Variants in GOLGA1 observed in about 807,000 individuals in gnomAD.
The protein encoded by GOLGA1 is golgin subfamily A member 1.
In GOLGA1, 63 loss-of-function variants were observed where a neutral mutation model predicts 119.7. The observed-to-expected ratio is 0.53, with a 90% confidence interval of 0.43 to 0.65. GOLGA1 has a LOEUF of 0.65. Among genes scored for constraint, GOLGA1 ranks in the 30% least tolerant of loss-of-function variants. The pLI, the probability that GOLGA1 is intolerant of heterozygous loss-of-function variation, is 0.00. For synonymous variants in GOLGA1, 318 were observed against 333.4 expected (o/e 0.95, Z 0.50); for missense variants, 798 against 912.8 (o/e 0.87, Z 1.62).
intron 7 of GOLGA1, among the ~76,000 whole-genome samples, chr9:124,924,645 AAAAAAAG>A (rs1191656885): frequency 6.6e-6 from 1 of 151,192 alleles, no homozygotes; most frequent in East Asian, 1.9e-4. Context: ...TCAAAAAAAA[AAAAAAAG>A]AAAAAAAGAA....
chr9:124,929,011 A>G (rs149491086), intron 5 of GOLGA1, among the ~76,000 whole-genome samples: 232 of 152,318 alleles, frequency 1.5e-3, no homozygotes, highest in African/African-American at 5.2e-3. Context: ...ACCTACTCCT[A>G]AGAGTCATGC....
chr9:124,927,398 G>A (rs1364701069), intron 6 of GOLGA1, among the ~76,000 whole-genome samples: 1 of 152,076 alleles, frequency 6.6e-6, no homozygotes, highest in Admixed American at 6.5e-5. Context: ...TCATACCACA[G>A]TTATCCACTA....
chr9:124,921,497 G>C (rs559061734), intron 9 of GOLGA1, among the ~76,000 whole-genome samples: 3 of 152,268 alleles, frequency 2.0e-5, no homozygotes, highest in East Asian at 3.9e-4. Context: ...AAACCACACT[G>C]AATTGTTCAG....
intron 19 of GOLGA1, among the ~76,000 whole-genome samples, chr9:124,887,252 G>A (rs934309341): frequency 6.6e-6 from 1 of 152,010 alleles, no homozygotes; most frequent in African/African-American, 2.4e-5. Flanking sequence ...AAACGAAACT[G>A]TGGGGTTGAG....
chr9:124,940,886 C>A (rs1588104179), intron 1 of GOLGA1, 85 bp downstream of exon 1: 1 of 152,410 alleles, frequency 6.6e-6, no homozygotes, highest in South Asian at 2.1e-4. Context: ...CTCGGGCAAC[C>A]CTGACCGGGC....
At chr9:124,920,532 C>A (rs911144147) in intron 10 of GOLGA1, among the ~76,000 whole-genome samples, 1 of 152,130 alleles carries the variant, frequency 6.6e-6, no homozygotes, top group African/African-American at 2.4e-5. Context: ...CATTTGATTA[C>A]GTGCCATAAA....
At chr9:124,892,977 AAG>A (rs1588062571) in intron 15 of GOLGA1, among the ~76,000 whole-genome samples, 1 of 151,958 alleles carries the variant, frequency 6.6e-6, no homozygotes, top group East Asian at 1.9e-4. Context: ...GTAAACATAT[AAG>A]AGTTTTCTAT....
Position 124,929,268 on chromosome 9 carries a change from G to A in GOLGA1, c.249C>T (p.Asn83=). ...CAAGCTTCTCTTTTATCTTCTGCAA[G>A]TTTCGGACCTGTTCAGCATAGTCTT... is the stretch of plus-strand genomic sequence containing the variant. ...RLSDYAEQVR[N]LQKIKEKLEI... is the part of the protein sequence containing the mutation. The change falls in exon 5 of 23, where the codon AAC becomes AAT. Residue 83 remains asparagine (N), a synonymous_variant. Transcript: ENST00000373555. The A allele has an allele frequency of 6.2e-7, 1 of 1,609,022 alleles. No individual in the cohort carries two copies. The highest frequency in any genetic ancestry group is 8.5e-7 in the Non-Finnish European group (1 of 1,175,428).
chr9:124,946,267 ATAT>A lies in GOLGA1; in HGVS notation c.-156+1648_-156+1650del, dbSNP rs1831144095. ...AGAAATAATAAATTACCAAATTTTA[ATAT>A]TTATTCAAGAAAAATGCTGTTATAA... On this transcript the variant is annotated intron_variant, in intron 1 of 4. Transcript: ENST00000421514. The surrounding 1 kb of genome is among the most constrained non-coding windows in gnomAD (Gnocchi z 4.0). The A allele has an allele frequency of 6.6e-6, 1 of 152,220 alleles. No homozygotes were observed. The allele number at this position is 152,220 out of a possible 1,614,324, so 9.4% of individuals were successfully genotyped here.
In GOLGA1 at chr9:124,889,310, C is replaced by T. The variant is rs374771349; in HGVS notation, c.1601-7G>A. 113 of 1,612,426 alleles carry T rather than the reference C, an allele frequency of 7.0e-5. No individual in the cohort carries two copies. In the African/African-American group the frequency reaches 7.5e-4, roughly 11 times the overall value. On this transcript the variant is annotated splice_region_variant and splice_polypyrimidine_tract_variant and intron_variant, in intron 17 of 22. Transcript: ENST00000373555. ...AGCAGGGCAGAGTTGTGACCTAGGT[C>T]GGGGAGGAGGGGAGGGGGCACTGTG...
intron 6 of GOLGA1, among the ~76,000 whole-genome samples, chr9:124,927,310 C>G (rs1262257619): frequency 6.6e-6 from 1 of 152,116 alleles, no homozygotes; most frequent in Non-Finnish European, 1.5e-5. Flanking sequence ...AAAAAAAGCC[C>G]ATTTGCACAA....
intron 1 of GOLGA1, among the ~76,000 whole-genome samples, chr9:124,940,710 C>A (rs1759417477): frequency 6.6e-6 from 1 of 152,206 alleles, no homozygotes; most frequent in African/African-American, 2.4e-5. Flanking sequence ...ACATCTCTCC[C>A]ATTTGACAGC....
rs1243183019 is a variant in GOLGA1, at chr9:124,888,772, C to T, written c.1761+371G>A. ...CTGGAGTGCAGTGGCGCAATCTCGG[C>T]TCCACCAAGCTCCGCCTCCCGGGTT... On this transcript the variant is annotated intron_variant, in intron 18 of 22. Coordinates refer to ENST00000373555, the MANE Select transcript of GOLGA1 (RefSeq NM_002077.4). The surrounding 1 kb of genome is among the most constrained non-coding windows in gnomAD (Gnocchi z 4.4). Among the ~76,000 whole-genome samples, 1 of 152,186 alleles carries T rather than the reference C, an allele frequency of 6.6e-6. No homozygotes were observed. The highest frequency in any genetic ancestry group is 1.9e-4 in the East Asian group (1 of 5,192).
At chr9:124,889,044 G>A (rs1438173041) in intron 18 of GOLGA1, 99 bp downstream of exon 18, 15 of 913,260 alleles carry the variant, frequency 1.6e-5, no homozygotes, top group Admixed American at 7.1e-5. Context: ...GGGGAGCGTC[G>A]TGTCCACCAT....
At chr9:124,906,036 CT>C (rs1830222093) in intron 12 of GOLGA1, among the ~76,000 whole-genome samples, 1 of 151,574 alleles carries the variant, frequency 6.6e-6, no homozygotes, top group Non-Finnish European at 1.5e-5. Context: ...TTGCTTCAAC[CT>C]GGGAGGCGGA....
rs1465801767 is a variant in GOLGA1 at position 124,888,354 on chromosome 9, T to G, written c.1804A>C (p.Thr602Pro). Residue 602 changes from threonine (T) to proline (P), a missense_variant, in exon 19 of 23, where the codon ACT (threonine) becomes CCT (proline). Physicochemically the swap from Thr to Pro is conservative, Grantham distance 38 (BLOSUM62 -1). Coordinates refer to ENST00000373555, the MANE Select transcript of GOLGA1 (RefSeq NM_002077.4). The surrounding 1 kb of genome is among the most constrained non-coding windows in gnomAD (Gnocchi z 4.4). Reference protein sequence around the residue: ...AMQDPVFQLPTAGRTPNGEVG... With the variant: ...AMQDPVFQLPPAGRTPNGEVG... ...TCACCATTTGGTGTTCTTCCTGCAG[T>G]TGGAAGCTGGAACACAGGGTCCTGC... is the stretch of plus-strand genomic sequence containing the variant. 6.2e-7 allele frequency: 1 copy of G among 1,613,504 alleles called. No homozygotes were observed. The highest frequency in any genetic ancestry group is 1.1e-5 in the South Asian group (1 of 91,076).
chr9:124,931,227 TAA>T (rs1369357182), intron 4 of GOLGA1, 87 bp downstream of exon 4: 3 of 732,664 alleles, frequency 4.1e-6, no homozygotes, highest in Non-Finnish European at 7.5e-6. Context: ...AAAATAACTA[TAA>T]AGTCATCCTA....
chr9:124,920,228 T>C (rs1251101418), intron 10 of GOLGA1, among the ~76,000 whole-genome samples: 2 of 150,934 alleles, frequency 1.3e-5, no homozygotes, highest in African/African-American at 4.9e-5. Context: ...TAAGCGATTC[T>C]CCCACCATAG....
chr9:124,939,081 T>C (rs568377539), intron 2 of GOLGA1, among the ~76,000 whole-genome samples: 3 of 151,918 alleles, frequency 2.0e-5, no homozygotes, highest in South Asian at 2.1e-4. Context: ...CTACCAAAGA[T>C]TGTGTGGCTA....
Sources: gnomAD v4.1 joint callset for allele counts (sites outside exome capture counted in the v4.1 genomes callset) on GRCh38, gnomAD v4.1.1 for gene constraint, Gnocchi (gnomAD v3.1) non-coding constraint, MANE v1.5 for transcripts, NCBI Gene and HGNC (gene_info 2026-07-23, HGNC 2026-07-21) for gene names.